HSPA4L: variants seen among roughly 807,000 people sequenced by gnomAD.
HSPA4L encodes heat shock protein family A (Hsp70) member 4 like.
A neutral mutation model predicts 100.3 loss-of-function variants in HSPA4L; 48 were observed. The ratio of observed to expected loss-of-function variants is 0.48; its 90% CI spans 0.38 to 0.61. HSPA4L has a LOEUF of 0.61. Ranked by LOEUF, HSPA4L falls within the 20% of genes least tolerant of loss-of-function variation. The pLI is 0.00. For missense variants in HSPA4L, 886 were observed against 988.6 expected, an observed-to-expected ratio of 0.90 and a Z score of 1.39; for synonymous variants, 319 against 328.2, an observed-to-expected ratio of 0.97 and a Z score of 0.30.
chr4:127,820,363 T>C, intron 13 of HSPA4L, 65 bp from the exon 14 acceptor site: 9 of 1,362,896 alleles, frequency 6.6e-6, no homozygotes, highest in Non-Finnish European at 8.9e-6. Flanking sequence ...TTACTTTCTG[T>C]TTTACCTCTT....
Position 127,812,176 on chromosome 4 carries a change from G to A in HSPA4L, c.1578+540G>A, listed in dbSNP as rs150966317. ...TGTAATCGCAGCACTTTGGGAGGCC[G>A]AGGCGGGTGGATCACGAGGTCAGGA... On this transcript the variant is annotated intron_variant, in intron 12 of 18. Transcript: ENST00000296464. 1.5e-3 allele frequency among the ~76,000 whole-genome samples: 224 copies of A among 152,070 alleles called. 2 individuals are homozygous for A. The East Asian group carries it at 0.037, about 25-fold the overall frequency.
At chr4:127,827,449 G>GAA in intron 17 of HSPA4L, 25 bp downstream of exon 17, 1 of 1,612,976 alleles carries the variant, frequency 6.2e-7, no homozygotes, top group African/African-American at 1.3e-5. Flanking sequence ...AAGCCAATTG[G>GAA]TGACGATGGC....
chr4:127,821,241 G>A (rs1363249469), intron 14 of HSPA4L, among the ~76,000 whole-genome samples: 2 of 152,214 alleles, frequency 1.3e-5, no homozygotes. Flanking sequence ...TGTGAAGCAA[G>A]CATTCCTGGA....
chr4:127,795,990 AC>A (rs1733011171), intron 3 of HSPA4L, 82 bp downstream of exon 3: 3 of 1,416,100 alleles, frequency 2.1e-6, no homozygotes, highest in Admixed American at 3.8e-5. Flanking sequence ...TTGTAGTTTG[AC>A]CTTTTTCCTC....
At chr4:127,818,203 T>G in intron 12 of HSPA4L, 122 bp from the exon 13 acceptor site, 1 of 537,326 alleles carries the variant, frequency 1.9e-6, no homozygotes, top group Non-Finnish European at 3.3e-6. Flanking sequence ...AAAATGAGCT[T>G]CTACTTAACT....
chr4:127,784,422 A>G (rs1366814545), intron 1 of HSPA4L, among the ~76,000 whole-genome samples: 1 of 152,206 alleles, frequency 6.6e-6, no homozygotes, highest in African/African-American at 2.4e-5. Context: ...AGTCTTCTAA[A>G]AGTCTCTTTG....
chr4:127,817,412 A>G (rs1391169989), intron 12 of HSPA4L, among the ~76,000 whole-genome samples: 1 of 152,150 alleles, frequency 6.6e-6, no homozygotes, highest in Admixed American at 6.5e-5. Context: ...CTTTCTGGGT[A>G]TTACAGATTT....
At chr4:127,803,944 T>C (rs2148785939) in intron 7 of HSPA4L, 67 bp from the exon 8 acceptor site, 1 of 1,607,974 alleles carries the variant, frequency 6.2e-7, no homozygotes, top group East Asian at 2.2e-5. Flanking sequence ...CTGATTTGTT[T>C]GTTGTTTTAG....
At chr4:127,805,663 A>T (rs1338136592) in intron 9 of HSPA4L, 24 bp from the exon 10 acceptor site, 1 of 1,536,958 alleles carries the variant, frequency 6.5e-7, no homozygotes, top group Non-Finnish European at 9.0e-7. Flanking sequence ...GTTGATTTAA[A>T]TATGGTATAC....
chr4:127,827,416 A>G lies in HSPA4L; in HGVS notation c.2158A>G (p.Arg720Gly). 2.5e-6 allele frequency: 4 copies of G among 1,613,752 alleles called. No homozygotes were observed. The highest frequency in any genetic ancestry group is 1.7e-5 in the Admixed American group (1 of 60,022). The change falls in exon 17 of 19, where the codon AGA becomes GGA. Residue 720 changes from arginine (R) to glycine (G), a missense_variant. Transcript: ENST00000296464. The part of the protein sequence containing the change: ...QLVMKVIEAY[R>G]NKDERYDHLD... ...TGTCATGAAAGTGATAGAAGCTTAT[A>G]GAAACAAGGTATTGAATTCATAAAG...
rs765038337 is a variant in HSPA4L at position 127,820,605 on chromosome 4, T to G, written c.1812+40T>G. ...GTTGATGCTGAAATAGGTGGTAGTT[T>G]ATTCTGAAATTTTGTAGAAGTCAAT... On this transcript the variant is annotated intron_variant, in intron 14 of 18. Transcript: ENST00000296464. The G allele has an allele frequency of 3.8e-6, 6 of 1,573,134 alleles. No homozygotes were observed. The African/African-American group carries it at 6.9e-5, about 18-fold the overall frequency.
intron 1 of HSPA4L, among the ~76,000 whole-genome samples, chr4:127,786,746 C>T (rs892734397): frequency 2.0e-5 from 3 of 152,186 alleles, no homozygotes; most frequent in Admixed American, 6.5e-5. Flanking sequence ...GGATTATAGG[C>T]GTGAACCAAC....
chr4:127,814,943 A>G (rs1176022426), intron 12 of HSPA4L, among the ~76,000 whole-genome samples: 1 of 152,226 alleles, frequency 6.6e-6, no homozygotes, highest in African/African-American at 2.4e-5. Flanking sequence ...AAATACCATT[A>G]TAAAGTAGTC....
At chr4:127,809,424 T>G (rs944740915) in intron 11 of HSPA4L, 5 of 1,249,422 alleles carry the variant, frequency 4.0e-6, no homozygotes, top group Non-Finnish European at 5.9e-6. Context: ...AACTCAAGAC[T>G]CTGCATTTGG....
chr4:127,819,161 T>C (rs756260076), intron 13 of HSPA4L, among the ~76,000 whole-genome samples: 2 of 152,192 alleles, frequency 1.3e-5, no homozygotes, highest in African/African-American at 2.4e-5. Flanking sequence ...AAAATATTTT[T>C]CTATGTGTAA....
In HSPA4L at chr4:127,819,829, G is replaced by A. The variant is rs532161702; in HGVS notation, c.1675-599G>A. On this transcript the variant is annotated intron_variant, in intron 13 of 18. Transcript: ENST00000296464. ...TTCCTTTTTATGGCCGAATAATACG[G>A]CATTGTATGAATACATACCACATTT... is the stretch of plus-strand genomic sequence containing the variant. 6.6e-5 allele frequency among the ~76,000 whole-genome samples: 10 copies of A among 152,230 alleles called. No individual in the cohort carries two copies. In the South Asian group the frequency reaches 2.1e-3, roughly 32 times the overall value.
chr4:127,831,856 C>CTT (rs779775174), intron 18 of HSPA4L, among the ~76,000 whole-genome samples: 10 of 149,518 alleles, frequency 6.7e-5, no homozygotes, highest in African/African-American at 2.0e-4. Flanking sequence ...GATTTTTTTT[C>CTT]TTTTTTTTTA....
At chr4:127,799,017 A>AT (rs1733101254) in intron 4 of HSPA4L, among the ~76,000 whole-genome samples, 3 of 152,136 alleles carry the variant, frequency 2.0e-5, no homozygotes, top group African/African-American at 7.2e-5. Flanking sequence ...GGACCTTAAC[A>AT]TTTTATAGCA....
intron 12 of HSPA4L, 31 bp from the exon 13 acceptor site, chr4:127,818,294 G>A (rs776020975): frequency 4.7e-5 from 67 of 1,435,940 alleles, no homozygotes; most frequent in Middle Eastern, 1.8e-4. Flanking sequence ...AAGACACTGC[G>A]TATATTATCA....
Sources: gnomAD v4.1 joint callset for allele counts (sites outside exome capture counted in the v4.1 genomes callset) on GRCh38, gnomAD v4.1.1 for gene constraint, MANE v1.5 for transcripts, NCBI Gene and HGNC (gene_info 2026-07-23, HGNC 2026-07-21) for gene names.